MAP3K11: variants seen among roughly 807,000 people sequenced by gnomAD.
MAP3K11 encodes the protein mitogen-activated protein kinase kinase kinase 11.
Under a neutral mutation model 84.9 loss-of-function variants are expected in MAP3K11, and 46 were observed. That is an observed-to-expected ratio of 0.54 (90% CI 0.43 to 0.69). The LOEUF is 0.69. Ranked by LOEUF, MAP3K11 falls within the 30% of genes least tolerant of loss-of-function variation. MAP3K11 has a pLI of 0.00. For synonymous variants in MAP3K11, 527 were observed against 514.7 expected (o/e 1.02, Z -0.32); for missense variants, 1,053 against 1,198.3 (o/e 0.88, Z 1.79).
Position 65,607,773 on chromosome 11 carries a change from G to T in MAP3K11, c.1113C>A (p.Ser371=). The change falls in exon 4 of 10, where the codon TCC becomes TCA. Residue 371 remains serine (S), a synonymous_variant. Transcript: ENST00000309100. ...CCAGCGCCTCCAACTGCTGCAGGAT[G>T]GAGGCGAAGTCGGGCCTGCGGTGGG... is the stretch of plus-strand genomic sequence containing the variant. The part of the protein sequence containing the change: ...QDPHRRPDFA[S]ILQQLEALEA... The T allele has an allele frequency of 6.2e-7, 1 of 1,613,376 alleles. No individual in the cohort carries two copies. The highest frequency in any genetic ancestry group is 8.5e-7 in the Non-Finnish European group (1 of 1,179,768).
intron 8 of MAP3K11, among the ~76,000 whole-genome samples, chr11:65,601,629 G>A (rs754846352): frequency 7.3e-5 from 11 of 151,576 alleles, no homozygotes; most frequent in Non-Finnish European, 1.2e-4. Context: ...GGTGGTGGGC[G>A]CCTGTAGTCC....
chr11:65,598,817 G>C (rs1005322144), intron 9 of MAP3K11, among the ~76,000 whole-genome samples, 189 bp from the exon 10 acceptor site: 2 of 152,204 alleles, frequency 1.3e-5, no homozygotes, highest in African/African-American at 4.8e-5. Flanking sequence ...TCTGCAGCAG[G>C]CTGGCCTGGA....
chr11:65,598,234 G>A lies in MAP3K11; in HGVS notation c.*57C>T. ...AGAGGCTGACCCAGCTCCTGTTCCA[G>A]TGTATGCTGTGACTCCTCCTAAGGC... On this transcript the variant is annotated 3_prime_UTR_variant, in exon 10 of 10. Transcript: ENST00000309100. The A allele has an allele frequency of 7.4e-7, 1 of 1,343,020 alleles. No homozygotes were observed. The allele number at this position is 1,343,020 out of a possible 1,614,324, so 83.2% of individuals were successfully genotyped here.
chr11:65,601,552 C>G (rs1161199356), intron 8 of MAP3K11, among the ~76,000 whole-genome samples: 3 of 151,718 alleles, frequency 2.0e-5, no homozygotes, highest in Non-Finnish European at 2.9e-5. Flanking sequence ...GTCAGGAGAT[C>G]GAGACCATCC....
chr11:65,605,965 C>A lies in MAP3K11; in HGVS notation c.1720G>T (p.Gly574Trp). ...WAWGPSSPKP[G>W]EAQNGRRRSR... is the part of the protein sequence containing the mutation. ...ACTCACCTCCCATTCTGGGCTTCCC[C>A]AGGCTTGGGGGAACTGGGACCCCAA... The change falls in exon 7 of 10, where the codon GGG (glycine) becomes TGG (tryptophan). Residue 574 changes from glycine (G) to tryptophan (W), a missense_variant. By Grantham distance (184) the Gly-to-Trp change is radical. Coordinates refer to ENST00000309100, the MANE Select transcript of MAP3K11 (RefSeq NM_002419.4). The A allele has an allele frequency of 6.2e-7, 1 of 1,603,088 alleles. No homozygotes were observed. The highest frequency in any genetic ancestry group is 8.5e-7 in the Non-Finnish European group (1 of 1,176,540).
At chr11:65,607,085 A>C in intron 5 of MAP3K11, 185 bp downstream of exon 5, 1 of 894,646 alleles carries the variant, frequency 1.1e-6, no homozygotes, top group Non-Finnish European at 1.6e-6. Flanking sequence ...CGACATGCAA[A>C]TACTTCCGCC....
intron 8 of MAP3K11, among the ~76,000 whole-genome samples, chr11:65,600,870 A>G (rs1024365760): frequency 6.6e-6 from 1 of 152,144 alleles, no homozygotes; most frequent in Non-Finnish European, 1.5e-5. Context: ...CAAGGCTGGG[A>G]AAAATGAGCT....
chr11:65,606,818 T>TG lies in MAP3K11; in HGVS notation c.1490-15dup, dbSNP rs754485269. 1.9e-6 allele frequency: 3 copies of TG among 1,561,524 alleles called. No individual in the cohort carries two copies. The highest frequency in any genetic ancestry group is 2.6e-6 in the Non-Finnish European group (3 of 1,137,708). ...GGTGCTTGAAGTCTGGGATTTGGGT[T>TG]GGGGGGAGCAGGGTTCAGGTTTGTG... is the stretch of plus-strand genomic sequence containing the variant. On this transcript the variant is annotated splice_polypyrimidine_tract_variant and intron_variant, in intron 5 of 9. Transcript: ENST00000309100.
Position 65,605,786 on chromosome 11 carries a change from A to G in MAP3K11, c.1806T>C (p.Ser602=). 2 of 1,610,776 alleles carry G rather than the reference A, an allele frequency of 1.2e-6. No individual in the cohort carries two copies. The highest frequency in any genetic ancestry group is 2.2e-5 in the East Asian group (1 of 44,620). ...LDSDDSSPLG[S]PSTPPALNGN... ...CATTGAGTGCTGGGGGTGTGGAAGGAGATCCTAAGGGGGATGAGTCATCTG... is the reference window on the plus strand; with the variant it reads ...CATTGAGTGCTGGGGGTGTGGAAGGGGATCCTAAGGGGGATGAGTCATCTG... Residue 602 remains serine, a synonymous_variant, in exon 8 of 10, where the codon TCT becomes TCC. Transcript: ENST00000309100.
At chr11:65,606,596 G>A (rs537066174) in intron 6 of MAP3K11, 95 bp downstream of exon 6, 1 of 897,022 alleles carries the variant, frequency 1.1e-6, no homozygotes, top group East Asian at 2.8e-5. Context: ...GGGAGGAAGA[G>A]GGGATAGTGA....
At chr11:65,608,091 C>T in intron 2 of MAP3K11, 21 bp from the exon 3 acceptor site, 1 of 1,610,174 alleles carries the variant, frequency 6.2e-7, no homozygotes, top group South Asian at 1.1e-5. Flanking sequence ...GACAACAGGT[C>T]TGTGTTCCCT....
rs769612134 is a variant in MAP3K11, at chr11:65,598,600, T to C, written c.2235A>G (p.Thr745=). The C allele has an allele frequency of 3.2e-6, 5 of 1,562,930 alleles. No individual in the cohort carries two copies. Among genetic ancestry groups the C allele is most frequent in the Non-Finnish European group, 4.3e-6 (5 of 1,152,690 alleles). ...CTGGGGTGCCAGGAGCAGAGCGTGA[T>C]GTCCCCGGTGGGGGTGAGACAGTGC... The part of the protein sequence containing the change: ...RGGTVSPPPG[T]SRSAPGTPGT... The change falls in exon 10 of 10, where the codon ACA becomes ACG. Residue 745 remains threonine, a synonymous_variant. Transcript: ENST00000309100.
chr11:65,608,476 G>A, intron 1 of MAP3K11, 28 bp from the exon 2 acceptor site: 1 of 1,610,606 alleles, frequency 6.2e-7, no homozygotes, highest in Non-Finnish European at 8.5e-7. Context: ...GATTGTGGAT[G>A]CTCCAGGATC....
Position 65,599,489 on chromosome 11 carries a change from T to C in MAP3K11, c.2111A>G (p.Asp704Gly), listed in dbSNP as rs753055866. The C allele has an allele frequency of 5.3e-6, 8 of 1,496,254 alleles. No homozygotes were observed. The East Asian group carries it at 2.2e-4, about 40-fold the overall frequency. 92.7% of individuals were successfully genotyped at this position (1,496,254 alleles called of 1,614,324 possible). ...CAGGGGTGCAGGAGTGGGCGGGGAGTCGGGCGTCTTGAGCGAGAAGCAGAT... is the reference window on the plus strand; with the variant it reads ...CAGGGGTGCAGGAGTGGGCGGGGAGCCGGGCGTCTTGAGCGAGAAGCAGAT... ...PLICFSLKTP[D>G]SPPTPAPLLL... Residue 704 changes from aspartate to glycine, a missense_variant, in exon 9 of 10, where the codon GAC becomes GGC. By Grantham distance (94) the Asp-to-Gly change is moderately conservative. Around this residue, in one of 3 missense-constraint regions of MAP3K11, gnomAD observed 583 missense variants for 566.6 expected, o/e 1.03. Coordinates refer to ENST00000309100, the MANE Select transcript of MAP3K11 (RefSeq NM_002419.4).
intron 8 of MAP3K11, among the ~76,000 whole-genome samples, chr11:65,603,244 C>T (rs1416030275): frequency 6.6e-6 from 1 of 152,208 alleles, no homozygotes; most frequent in Non-Finnish European, 1.5e-5. Context: ...CAACATAATC[C>T]AGCTAGGATT....
intron 1 of MAP3K11, chr11:65,609,138 T>C (rs1484933257): frequency 1.3e-5 from 2 of 152,190 alleles, no homozygotes; most frequent in African/African-American, 2.4e-5. Context: ...GCTCTGGACA[T>C]TTATGGCTTT....
intron 4 of MAP3K11, 21 bp downstream of exon 4, chr11:65,607,620 G>A: frequency 6.3e-7 from 1 of 1,590,770 alleles, no homozygotes. Context: ...TTCCAACGCT[G>A]GGTCCCTTGA....
chr11:65,606,391 C>G (rs897424513), intron 6 of MAP3K11: 2 of 422,870 alleles, frequency 4.7e-6, no homozygotes, highest in Non-Finnish European at 8.3e-6. Context: ...TTTTCTCATC[C>G]ATAAAACTTA....
At chr11:65,607,541 G>A (rs1366545674) in intron 4 of MAP3K11, 28 bp from the exon 5 acceptor site, 1 of 1,553,560 alleles carries the variant, frequency 6.4e-7, no homozygotes, top group Non-Finnish European at 8.7e-7. Context: ...ATGGTGGAGA[G>A]GTCAGCCTGG....
Sources: gnomAD v4.1 joint callset for allele counts (sites outside exome capture counted in the v4.1 genomes callset) on GRCh38, gnomAD v4.1.1 for gene constraint, gnomAD v4.1.1 regional missense constraint, MANE v1.5 for transcripts, NCBI Gene and HGNC (gene_info 2026-07-23, HGNC 2026-07-21) for gene names.